The following GABRB2 variants were observed in gnomAD, a reference collection of about 807,000 sequenced individuals.
GABRB2 encodes gamma-aminobutyric acid receptor subunit beta-2.
GABRB2 carries 16 observed loss-of-function variants against 54.7 expected under a neutral mutation model. The ratio of observed to expected loss-of-function variants is 0.29; its 90% CI spans 0.20 to 0.44. The LOEUF (loss-of-function observed/expected upper bound fraction) is 0.44, where lower values mean the gene tolerates loss of function less well. Among genes scored for constraint, GABRB2 ranks in the 20% least tolerant of loss-of-function variants. The pLI is 1.00. For missense variants in GABRB2, 355 were observed against 644.0 expected, an observed-to-expected ratio of 0.55 and a Z score of 4.86; for synonymous variants, 244 against 233.8, an observed-to-expected ratio of 1.04 and a Z score of -0.40.
chr5:161,530,785 A>G (rs1388314844), intron 3 of GABRB2, among the ~76,000 whole-genome samples: 1 of 151,656 alleles, frequency 6.6e-6, no homozygotes, highest in Non-Finnish European at 1.5e-5. Context: ...ATTCTGTTTA[A>G]AAAAGAATGG....
In GABRB2 at chr5:161,313,591, C is replaced by T. The variant is rs1447284924; in HGVS notation, c.1191+12777G>A. Among the ~76,000 whole-genome samples the T allele has an allele frequency of 2.6e-5, 4 of 151,544 alleles. No individual in the cohort carries two copies. In the East Asian group the frequency reaches 5.8e-4, roughly 22 times the overall value. On this transcript the variant is annotated intron_variant, in intron 9 of 9. Coordinates refer to ENST00000393959, the MANE Select transcript of GABRB2 (RefSeq NM_001371727.1). ...AATGCTACTGAATTTAGAAATAGAT[C>T]TTAGGAAAATGGGAAAAGTCAGAGT...
At chr5:161,297,614 G>A (rs746550808) in intron 9 of GABRB2, among the ~76,000 whole-genome samples, 18 of 151,938 alleles carry the variant, frequency 1.2e-4, no homozygotes, top group East Asian at 1.9e-4. Context: ...ATATGGACTC[G>A]TCCTTTTTTA....
chr5:161,300,115 A>C (rs1369467306), intron 9 of GABRB2, among the ~76,000 whole-genome samples: 1 of 152,200 alleles, frequency 6.6e-6, no homozygotes, highest in African/African-American at 2.4e-5. Context: ...CAAAATTACA[A>C]GGTCAAGAGC....
intron 3 of GABRB2, among the ~76,000 whole-genome samples, chr5:161,533,710 G>A (rs1202944048): frequency 6.6e-6 from 1 of 152,018 alleles, no homozygotes; most frequent in Admixed American, 6.6e-5. Context: ...AAATTAAAAT[G>A]TAATTATCAA....
chr5:161,478,783 C>T (rs750978647), intron 3 of GABRB2, among the ~76,000 whole-genome samples: 8 of 151,944 alleles, frequency 5.3e-5, no homozygotes, highest in Non-Finnish European at 7.4e-5. Context: ...TCTTAACTGA[C>T]TATTTTATTT....
At chr5:161,345,030 A>T (rs1385721161) in intron 5 of GABRB2, among the ~76,000 whole-genome samples, 1 of 151,930 alleles carries the variant, frequency 6.6e-6, no homozygotes, top group African/African-American at 2.4e-5. Context: ...AACATCACAC[A>T]CAGGGCCCTG....
chr5:161,527,963 A>C (rs1434805629), intron 3 of GABRB2, among the ~76,000 whole-genome samples: 1 of 151,634 alleles, frequency 6.6e-6, no homozygotes, highest in Non-Finnish European at 1.5e-5. Flanking sequence ...GAATTTACCA[A>C]AGAAAATAAT....
chr5:161,513,245 G>C (rs2113409740), intron 3 of GABRB2, among the ~76,000 whole-genome samples: 1 of 151,954 alleles, frequency 6.6e-6, no homozygotes, highest in South Asian at 2.1e-4. Context: ...AATAATAACA[G>C]AACTACCATT....
chr5:161,391,476 G>A (rs914137815), intron 5 of GABRB2, among the ~76,000 whole-genome samples: 3 of 152,138 alleles, frequency 2.0e-5, no homozygotes, highest in Non-Finnish European at 2.9e-5. Flanking sequence ...TCTCCTGGGT[G>A]GTGGGAGCAA....
intron 3 of GABRB2, among the ~76,000 whole-genome samples, chr5:161,479,042 C>A (rs542761868): frequency 2.6e-5 from 4 of 152,072 alleles, no homozygotes; most frequent in Non-Finnish European, 4.4e-5. Context: ...AGAGGAAGAC[C>A]AATTTGCAGA....
chr5:161,391,584 C>T (rs943416618), intron 5 of GABRB2, among the ~76,000 whole-genome samples: 15 of 152,024 alleles, frequency 9.9e-5, no homozygotes, highest in African/African-American at 3.4e-4. Flanking sequence ...AACATAACAT[C>T]ATCGCCAAAA....
chr5:161,546,196 G>A (rs1460520252), intron 2 of GABRB2, 126 bp downstream of exon 2: 1 of 719,746 alleles, frequency 1.4e-6, no homozygotes, highest in Non-Finnish European at 2.4e-6. Flanking sequence ...TTCTCAATAT[G>A]GTAAAATAGA....
At chr5:161,391,036 C>G (rs532837418) in intron 5 of GABRB2, among the ~76,000 whole-genome samples, 2 of 152,232 alleles carry the variant, frequency 1.3e-5, no homozygotes, top group African/African-American at 2.4e-5. Flanking sequence ...TTTTATTACT[C>G]TAATAAATTA....
intron 3 of GABRB2, among the ~76,000 whole-genome samples, chr5:161,476,741 C>G (rs1449647937): frequency 2.0e-5 from 3 of 151,692 alleles, no homozygotes; most frequent in African/African-American, 7.3e-5. Context: ...TAACTCTAGG[C>G]AAAAGAATGA....
At position 161,344,743 on chromosome 5, in the gene GABRB2, G is replaced by A. The variant is rs577035488; in HGVS notation, c.542-7974C>T. The stretch of plus-strand genomic sequence containing the variant: ...CATTCTACTATAAAGACACATGTAC[G>A]CATATGTTTATTGCAGCACTGTACC... On this transcript the variant is annotated intron_variant, in intron 5 of 9. Transcript: ENST00000393959. Among the ~76,000 whole-genome samples the A allele has an allele frequency of 4.6e-5, 7 of 152,064 alleles. No individual in the cohort carries two copies. In the South Asian group the frequency reaches 6.2e-4, roughly 14 times the overall value.
At chr5:161,427,180 A>G (rs916718782) in intron 4 of GABRB2, among the ~76,000 whole-genome samples, 3 of 152,198 alleles carry the variant, frequency 2.0e-5, no homozygotes, top group Admixed American at 6.6e-5. Flanking sequence ...TAGCTGAATG[A>G]ACTCTGTCTA....
chr5:161,389,198 C>T (rs1297865288), intron 5 of GABRB2, among the ~76,000 whole-genome samples: 2 of 151,982 alleles, frequency 1.3e-5, no homozygotes, highest in African/African-American at 4.8e-5. Context: ...GAATTTGATG[C>T]ATCCAAGTTG....
chr5:161,405,849 C>T (rs890517084), intron 5 of GABRB2, among the ~76,000 whole-genome samples: 5 of 151,984 alleles, frequency 3.3e-5, no homozygotes, highest in African/African-American at 7.2e-5. Flanking sequence ...CTGACCCCTT[C>T]GACAAGGATG....
intron 3 of GABRB2, among the ~76,000 whole-genome samples, chr5:161,535,964 T>C (rs1353989229): frequency 6.6e-6 from 1 of 152,112 alleles, no homozygotes; most frequent in African/African-American, 2.4e-5. Context: ...CCTACTGGCT[T>C]CCTCTTGTAC....
Sources: allele counts gnomAD v4.1 joint callset (sites outside exome capture counted in the v4.1 genomes callset), GRCh38; gene constraint gnomAD v4.1.1; transcripts MANE v1.5; gene names NCBI Gene and HGNC (gene_info 2026-07-23, HGNC 2026-07-21).